The following SERPINA3 variants were observed in gnomAD, a reference collection of about 807,000 sequenced individuals.
SERPINA3 encodes the protein serpin family A member 3.
In SERPINA3, 32 loss-of-function variants were observed where a neutral mutation model predicts 26.8. The observed-to-expected ratio is 1.20, with a 90% confidence interval of 0.90 to 1.61. SERPINA3 has a LOEUF of 1.61. SERPINA3 is among the 40% of genes most tolerant of loss of function. SERPINA3 has a pLI of 0.00. For synonymous variants in SERPINA3, 252 were observed against 206.4 expected (o/e 1.22, Z -1.89); for missense variants, 632 against 517.9 (o/e 1.22, Z -2.14).
chr14:94,620,444 A>G lies in SERPINA3; in HGVS notation c.917+976A>G, dbSNP rs574326766. Among the ~76,000 whole-genome samples, 21 of 152,226 alleles carry G rather than the reference A, an allele frequency of 1.4e-4. 1 individual carries two copies. In the South Asian group the frequency reaches 3.3e-3, roughly 24 times the overall value. ...AGTTGAGAGAGGTCAGGAGTCCCCAAAGGGGTGGAGCAGCTTAGGTAGGGC... is the reference window on the plus strand; with the variant it reads ...AGTTGAGAGAGGTCAGGAGTCCCCAGAGGGGTGGAGCAGCTTAGGTAGGGC... On this transcript the variant is annotated intron_variant, in intron 3 of 4. Coordinates refer to ENST00000393078, the MANE Select transcript of SERPINA3 (RefSeq NM_001085.5).
At position 94,614,964 on chromosome 14, in the gene SERPINA3, G is replaced by A; in HGVS notation, c.523G>A (p.Ala175Thr). 6.2e-7 allele frequency: 1 copy of A among 1,613,364 alleles called. No homozygotes were observed. Among genetic ancestry groups the A allele is most frequent in the Non-Finnish European group, 8.5e-7 (1 of 1,179,274 alleles). The stretch of plus-strand genomic sequence containing the variant: ...TGCCACTGACTTTCAGGACTCAGCT[G>A]CAGCTAAGAAGCTCATCAACGACTA... The part of the protein sequence containing the change: ...AFATDFQDSA[A>T]AKKLINDYVK... The change falls in exon 2 of 5, where the codon GCA becomes ACA. Residue 175 changes from alanine to threonine, a missense_variant. Physicochemically the swap from Ala to Thr is moderately conservative, Grantham distance 58. Coordinates refer to ENST00000393078, the MANE Select transcript of SERPINA3 (RefSeq NM_001085.5).
chr14:94,619,677 C>G (rs1025392523), intron 3 of SERPINA3: 5 of 614,658 alleles, frequency 8.1e-6, no homozygotes, highest in South Asian at 5.7e-5. Context: ...GGGGCTGAGG[C>G]TTCCTCTGAC....
chr14:94,623,733 G>T lies in SERPINA3; in HGVS notation c.1191G>T (p.Arg397Ser), dbSNP rs1474809304. ...VETRTIVRFN[R>S]PFLMIIVPTD... The stretch of plus-strand genomic sequence containing the variant: ...CAAGGACCATTGTGCGTTTCAACAG[G>T]CCCTTCCTGATGATCATTGTCCCTA... The change falls in exon 5 of 5, where the codon AGG (arginine) becomes AGT (serine). Residue 397 changes from arginine to serine, a missense_variant. Transcript: ENST00000393078. 6.2e-7 allele frequency: 1 copy of T among 1,614,104 alleles called. No homozygotes were observed. The highest frequency in any genetic ancestry group is 8.5e-7 in the Non-Finnish European group (1 of 1,180,006).
chr14:94,622,799 G>A, intron 4 of SERPINA3: 1 of 429,480 alleles, frequency 2.3e-6, no homozygotes, highest in Admixed American at 3.5e-5. Context: ...TCCACCCCCA[G>A]CTTTCCATGT....
chr14:94,621,128 C>T (rs1886187206), intron 3 of SERPINA3, among the ~76,000 whole-genome samples: 1 of 152,150 alleles, frequency 6.6e-6, no homozygotes, highest in Non-Finnish European at 1.5e-5. Context: ...GAAGGCCGGA[C>T]ACCTCTCGGG....
intron 3 of SERPINA3, 24 bp downstream of exon 3, chr14:94,619,492 AC>A (rs749040096): frequency 1.5e-5 from 25 of 1,613,298 alleles, no homozygotes; most frequent in Non-Finnish European, 2.5e-6. Flanking sequence ...GCCCCCAAAG[AC>A]CCCACATCTC....
rs139055497 is a variant in SERPINA3 at position 94,619,314 on chromosome 14, C to T, written c.763C>T (p.Arg255Trp). Residue 255 changes from arginine (R) to tryptophan (W), a missense_variant, in exon 3 of 5, where the codon CGG becomes TGG. By Grantham distance (101) the Arg-to-Trp change is moderately radical. Coordinates refer to ENST00000393078, the MANE Select transcript of SERPINA3 (RefSeq NM_001085.5). The part of the protein sequence containing the change: ...SLHHLTIPYF[R>W]DEELSCTVVE... ...GCATCACCTGACTATACCTTACTTC[C>T]GGGACGAGGAGCTGTCCTGCACCGT... 764 of 1,614,166 alleles carry T rather than the reference C, an allele frequency of 4.7e-4. 3 individuals are homozygous for T. The highest frequency in any genetic ancestry group is 2.9e-3 in the South Asian group (261 of 91,078).
chr14:94,618,518 G>A (rs1886081580), intron 2 of SERPINA3: 1 of 157,268 alleles, frequency 6.4e-6, no homozygotes, highest in Non-Finnish European at 1.4e-5. Context: ...ACATGAGCTA[G>A]ATATGAGCTA....
In SERPINA3 at chr14:94,619,218, C is replaced by T. The variant is rs200684001; in HGVS notation, c.667C>T (p.Pro223Ser). 1 of 1,614,166 alleles carries T rather than the reference C, an allele frequency of 6.2e-7. No individual in the cohort carries two copies. Among genetic ancestry groups the T allele is most frequent in the Non-Finnish European group, 8.5e-7 (1 of 1,180,036 alleles). The change falls in exon 3 of 5, where the codon CCC becomes TCC. Residue 223 changes from proline (P) to serine (S), a missense_variant. Pro to Ser is a moderately conservative substitution (Grantham distance 74). Coordinates refer to ENST00000393078, the MANE Select transcript of SERPINA3 (RefSeq NM_001085.5). ...FKAKWEMPFD[P>S]QDTHQSRFYL... Reference sequence around the variant, plus strand: ...AGCCAAATGGGAGATGCCCTTTGACCCCCAAGATACTCATCAGTCAAGGTT... The same window carrying T: ...AGCCAAATGGGAGATGCCCTTTGACTCCCAAGATACTCATCAGTCAAGGTT...
chr14:94,621,325 A>G (rs1256458287), intron 3 of SERPINA3, among the ~76,000 whole-genome samples: 2 of 152,226 alleles, frequency 1.3e-5, no homozygotes, highest in East Asian at 3.8e-4. Context: ...GATTTACAAA[A>G]TGCTGAGGAA....
At chr14:94,622,924 G>A (rs1337613078) in intron 4 of SERPINA3, among the ~76,000 whole-genome samples, 1 of 152,238 alleles carries the variant, frequency 6.6e-6, no homozygotes, top group Non-Finnish European at 1.5e-5. Flanking sequence ...CTCGGAGTAT[G>A]AGAGAAGACT....
intron 2 of SERPINA3, among the ~76,000 whole-genome samples, chr14:94,617,141 C>T (rs979891404): frequency 6.6e-6 from 1 of 152,174 alleles, no homozygotes; most frequent in African/African-American, 2.4e-5. Flanking sequence ...CATGGCACTG[C>T]CCTCACATGG....
intron 2 of SERPINA3, among the ~76,000 whole-genome samples, chr14:94,617,127 G>C (rs1419164968): frequency 6.6e-6 from 1 of 152,168 alleles, no homozygotes; most frequent in East Asian, 1.9e-4. Flanking sequence ...ATGGGAAGGT[G>C]CTCCATGGCA....
Position 94,618,688 on chromosome 14 carries a change from C to T in SERPINA3, c.644-507C>T, listed in dbSNP as rs1886086541. ...TCCTCCCCTCATTCACACTGATTGG[C>T]ATCTCTTCTGTCTGCCCTCACCAAC... On this transcript the variant is annotated intron_variant, in intron 2 of 4. Coordinates refer to ENST00000393078, the MANE Select transcript of SERPINA3 (RefSeq NM_001085.5). 3 of 207,512 alleles carry T rather than the reference C, an allele frequency of 1.4e-5. No homozygotes were observed. In the South Asian group the frequency reaches 2.6e-4, roughly 18 times the overall value. 12.9% of individuals were successfully genotyped at this position (207,512 alleles called of 1,614,324 possible).
At chr14:94,623,457 G>A (rs737007) in intron 4 of SERPINA3, 154 bp from the exon 5 acceptor site, 25,911 of 735,650 alleles carry the variant, frequency 0.035, 732 homozygotes, top group African/African-American at 0.11. Context: ...AAACTAGTTG[G>A]CAGGGGAGTT....
chr14:94,616,346 C>T (rs117121042), intron 2 of SERPINA3, among the ~76,000 whole-genome samples: 10,830 of 152,218 alleles, frequency 0.071, 511 homozygotes, highest in Middle Eastern at 0.15. Flanking sequence ...CTGCAGGGCC[C>T]CTCCCCTTCC....
rs17853314 is a variant in SERPINA3 at position 94,619,351 on chromosome 14, A to G, written c.800A>G (p.Lys267Arg). The G allele has an allele frequency of 7.4e-6, 12 of 1,614,074 alleles. No individual in the cohort carries two copies. Among genetic ancestry groups the G allele is most frequent in the Middle Eastern group, 1.6e-4 (1 of 6,084 alleles). Residue 267 changes from lysine (K) to arginine (R), a missense_variant, in exon 3 of 5, where the codon AAG becomes AGG. Physicochemically the swap from Lys to Arg is conservative, Grantham distance 26. Coordinates refer to ENST00000393078, the MANE Select transcript of SERPINA3 (RefSeq NM_001085.5). ...CTGTCCTGCACCGTGGTGGAGCTGA[A>G]GTACACAGGCAATGCCAGCGCACTC... ...EELSCTVVEL[K>R]YTGNASALFI...
In SERPINA3 at chr14:94,619,129, G is replaced by A. The variant is rs551363734; in HGVS notation, c.644-66G>A. ...GGACTCTGGGCACTTCCACTGCTGC[G>A]GAAGCAGGGTCGAGCAGGGCGACCC... On this transcript the variant is annotated intron_variant, in intron 2 of 4. Transcript: ENST00000393078. 4.3e-4 allele frequency: 683 copies of A among 1,591,898 alleles called. 1 individual carries two copies. In the African/African-American group the frequency reaches 6.8e-3, roughly 16 times the overall value.
intron 2 of SERPINA3, among the ~76,000 whole-genome samples, chr14:94,616,711 C>T (rs895619963): frequency 7.9e-5 from 12 of 152,134 alleles, no homozygotes; most frequent in African/African-American, 2.9e-4. Context: ...CCCTAGAAAA[C>T]GGTTTTCGTC....
Sources: allele counts gnomAD v4.1 joint callset (sites outside exome capture counted in the v4.1 genomes callset), GRCh38; gene constraint gnomAD v4.1.1; transcripts MANE v1.5; gene names NCBI Gene and HGNC (gene_info 2026-07-23, HGNC 2026-07-21).